ADCY7: variants seen among roughly 807,000 people sequenced by gnomAD.
ADCY7 encodes the protein adenylate cyclase type 7.
ADCY7 carries 72 observed loss-of-function variants against 120.6 expected under a neutral mutation model. That is an observed-to-expected ratio of 0.60 (90% CI 0.49 to 0.73). The LOEUF (loss-of-function observed/expected upper bound fraction) is 0.73, where lower values mean the gene tolerates loss of function less well. ADCY7 is among the 30% of genes least tolerant of loss of function. The pLI is 0.00. For synonymous variants in ADCY7, 661 were observed against 628.0 expected (o/e 1.05, Z -0.78); for missense variants, 1,227 against 1,486.0 (o/e 0.83, Z 2.87).
At chr16:50,308,510 T>A in intron 16 of ADCY7, 99 bp downstream of exon 16, 2 of 1,581,294 alleles carry the variant, frequency 1.3e-6, no homozygotes, top group Non-Finnish European at 1.7e-6. Context: ...GAGCCCCTGC[T>A]CTGGTCAAGG....
Position 50,315,532 on chromosome 16 carries a change from C to A in ADCY7, c.*27C>A, listed in dbSNP as rs769042923. The A allele has an allele frequency of 6.3e-7, 1 of 1,595,400 alleles. No individual in the cohort carries two copies. Among genetic ancestry groups the A allele is most frequent in the East Asian group, 2.3e-5 (1 of 44,284 alleles). On this transcript the variant is annotated 3_prime_UTR_variant, in exon 26 of 26. Coordinates refer to ENST00000673801, the MANE Select transcript of ADCY7 (RefSeq NM_001114.5). ...GGCTCCTGCTGGATTCCGAAAAGGC[C>A]GGGAAGCCAGTCTCCTTCCCTGAAG... is the stretch of plus-strand genomic sequence containing the variant.
rs762928884 is a variant in ADCY7 at position 50,312,036 on chromosome 16, A to T, written c.2449A>T (p.Ile817Phe). ...GCGCTTATGTTGCTGCCGTTTGCAG[A>T]TTGACTATTACTGCCGCTTGGACTG... Reference protein sequence around the residue: ...YITLLTLSRQIDYYCRLDCLW... With the variant: ...YITLLTLSRQFDYYCRLDCLW... Residue 817 changes from isoleucine to phenylalanine, a missense_variant and splice_region_variant, in exon 21 of 26, where the codon ATT becomes TTT. Coordinates refer to ENST00000673801, the MANE Select transcript of ADCY7 (RefSeq NM_001114.5). The T allele has an allele frequency of 7.4e-6, 12 of 1,613,978 alleles. No individual in the cohort carries two copies. Among genetic ancestry groups the T allele is most frequent in the Non-Finnish European group, 1.0e-5 (12 of 1,179,958 alleles).
intron 1 of ADCY7, among the ~76,000 whole-genome samples, chr16:50,283,186 T>C (rs1313301771): frequency 1.3e-5 from 2 of 152,200 alleles, no homozygotes; most frequent in Admixed American, 1.3e-4. Flanking sequence ...TTTGAGACTC[T>C]TGGTTGCGAG....
chr16:50,257,374 T>C (rs906046318), intron 1 of ADCY7, among the ~76,000 whole-genome samples: 12 of 152,140 alleles, frequency 7.9e-5, no homozygotes, highest in African/African-American at 2.7e-4. Context: ...AAAGTTTCAG[T>C]GGAGGAATAA....
At chr16:50,267,241 G>A (rs1309846909) in intron 1 of ADCY7, among the ~76,000 whole-genome samples, 1 of 152,238 alleles carries the variant, frequency 6.6e-6, no homozygotes, top group African/African-American at 2.4e-5. Context: ...GACCGCATGG[G>A]CCATCTGGAG....
chr16:50,312,485 TG>T (rs1299292033), intron 21 of ADCY7, among the ~76,000 whole-genome samples: 1 of 152,144 alleles, frequency 6.6e-6, no homozygotes, highest in Non-Finnish European at 1.5e-5. Context: ...GAGGATGAAA[TG>T]TGTGTTCAGG....
chr16:50,308,307 G>C lies in ADCY7; in HGVS notation c.1851-20G>C. The C allele has an allele frequency of 6.2e-7, 1 of 1,614,206 alleles. No individual in the cohort carries two copies. On this transcript the variant is annotated intron_variant, in intron 15 of 25. Coordinates refer to ENST00000673801, the MANE Select transcript of ADCY7 (RefSeq NM_001114.5). ...GGCAGAAGGCCCTAGGCAGAACTGA[G>C]GTTCTTCCCTCCTCTCCAGGACGGC... is the stretch of plus-strand genomic sequence containing the variant.
chr16:50,298,297 G>A (rs1185515910), intron 7 of ADCY7, among the ~76,000 whole-genome samples: 2 of 152,076 alleles, frequency 1.3e-5, no homozygotes, highest in East Asian at 3.9e-4. Context: ...GTGGCCCCAG[G>A]GCTCCTGTGA....
chr16:50,292,365 C>G (rs955635115), intron 4 of ADCY7, among the ~76,000 whole-genome samples: 16 of 152,362 alleles, frequency 1.1e-4, no homozygotes, highest in Admixed American at 6.5e-4. Flanking sequence ...GGCTGGCCCT[C>G]CACACAGCCA....
chr16:50,250,711 G>A (rs936295456), intron 1 of ADCY7, among the ~76,000 whole-genome samples: 1 of 152,152 alleles, frequency 6.6e-6, no homozygotes, highest in Non-Finnish European at 1.5e-5. Context: ...ATAAAATTGG[G>A]TATGGGCTGT....
At chr16:50,258,396 A>G (rs1303512250) in intron 1 of ADCY7, among the ~76,000 whole-genome samples, 1 of 152,112 alleles carries the variant, frequency 6.6e-6, no homozygotes, top group Non-Finnish European at 1.5e-5. Context: ...AGAGCTTCCT[A>G]TAATGTGTAG....
chr16:50,245,322 C>G (rs915160640), upstream of ADCY7, among the ~76,000 whole-genome samples: 1 of 152,170 alleles, frequency 6.6e-6, no homozygotes, highest in Non-Finnish European at 1.5e-5. Flanking sequence ...GAAGTGGGAA[C>G]CCCCAATTCC....
At chr16:50,283,952 G>C (rs911955716) in intron 1 of ADCY7, among the ~76,000 whole-genome samples, 1 of 152,206 alleles carries the variant, frequency 6.6e-6, no homozygotes, top group Non-Finnish European at 1.5e-5. Flanking sequence ...CATTCAATCC[G>C]GGAGCCCTGG....
Position 50,294,733 on chromosome 16 carries a change from G to A in ADCY7, c.930G>A (p.Lys310=), listed in dbSNP as rs376195841. 1.9e-6 allele frequency: 3 copies of A among 1,612,634 alleles called. No individual in the cohort carries two copies. Among genetic ancestry groups the A allele is most frequent in the African/African-American group, 2.7e-5 (2 of 74,896 alleles). Reference sequence around the variant, plus strand: ...TGGTGCTGAATGAGCTCTTTGGCAAGTTCGACCAGATCGCCAAGGTGAGCC... The same window carrying A: ...TGGTGCTGAATGAGCTCTTTGGCAAATTCGACCAGATCGCCAAGGTGAGCC... ...LVVVLNELFG[K]FDQIAKANEC... The change falls in exon 7 of 26, where the codon AAG becomes AAA. Residue 310 remains lysine (K), a synonymous_variant. Transcript: ENST00000673801.
In ADCY7 at chr16:50,291,843, G is replaced by A; in HGVS notation, c.483G>A (p.Val161=). ...TCTCCACTGCCTCCCACCTCCTGGT[G>A]CTCGGTTCTTTGATGGGAGGCTTCA... ...GAVSTASHLL[V]LGSLMGGFTT... Residue 161 remains valine (V), a synonymous_variant, in exon 4 of 26, where the codon GTG becomes GTA. Transcript: ENST00000673801. 2 of 1,614,028 alleles carry A rather than the reference G, an allele frequency of 1.2e-6. No individual in the cohort carries two copies. Among genetic ancestry groups the A allele is most frequent in the South Asian group, 2.2e-5 (2 of 91,088 alleles).
At chr16:50,259,580 A>T (rs2033005431) in intron 1 of ADCY7, among the ~76,000 whole-genome samples, 1 of 152,090 alleles carries the variant, frequency 6.6e-6, no homozygotes, top group African/African-American at 2.4e-5. Flanking sequence ...GGCCCTGGGG[A>T]TCATGGGAGT....
upstream of ADCY7, among the ~76,000 whole-genome samples, chr16:50,265,132 A>C (rs1461113231): frequency 6.6e-6 from 1 of 152,170 alleles, no homozygotes; most frequent in Non-Finnish European, 1.5e-5. Context: ...CCACCATGCC[A>C]AGCCTGGGAG....
At chr16:50,282,578 C>T (rs777314495) in intron 1 of ADCY7, among the ~76,000 whole-genome samples, 5 of 152,160 alleles carry the variant, frequency 3.3e-5, no homozygotes, top group Non-Finnish European at 5.9e-5. Flanking sequence ...CCTGAGCTCC[C>T]CACCTCTTGG....
chr16:50,293,584 A>C (rs2035144287), intron 6 of ADCY7, 82 bp downstream of exon 6: 1 of 1,509,360 alleles, frequency 6.6e-7, no homozygotes, highest in Non-Finnish European at 9.0e-7. Flanking sequence ...TCCCCGCCCT[A>C]TCTGGAGGCT....
Sources: allele counts gnomAD v4.1 joint callset (sites outside exome capture counted in the v4.1 genomes callset), GRCh38; gene constraint gnomAD v4.1.1; transcripts MANE v1.5; gene names NCBI Gene and HGNC (gene_info 2026-07-23, HGNC 2026-07-21).